The following VGLL4 variants were observed in gnomAD, a reference collection of about 807,000 sequenced individuals.
VGLL4 encodes the protein vestigial like family member 4.
VGLL4 carries 7 observed loss-of-function variants against 21.0 expected under a neutral mutation model. That is an observed-to-expected ratio of 0.33 (90% CI 0.19 to 0.63). The LOEUF (loss-of-function observed/expected upper bound fraction) is 0.63, where lower values mean the gene tolerates loss of function less well. VGLL4 is among the 20% of genes least tolerant of loss of function. The pLI is 0.78. For synonymous variants in VGLL4, 222 were observed against 173.2 expected (o/e 1.28, Z -2.21); for missense variants, 394 against 425.7 (o/e 0.93, Z 0.66).
In VGLL4 at chr3:11,673,438, G is replaced by C. The variant is rs201120731; in HGVS notation, c.64+29533C>G. 6.8e-4 allele frequency among the ~76,000 whole-genome samples: 103 copies of C among 152,050 alleles called. No homozygotes were observed. In the East Asian group the frequency reaches 0.011, roughly 17 times the overall value. On this transcript the variant is annotated intron_variant, in intron 2 of 5. Coordinates refer to the VGLL4 transcript ENST00000273038. The stretch of plus-strand genomic sequence containing the variant: ...GTCCGGAAGGGAGAAAGGGGGAAAG[G>C]GGGGGAAGTAGACTAGTCCGGGAGG...
rs1206783889 is a variant in VGLL4 at position 11,568,172 on chromosome 3, A to C, written c.273-3153T>G. Among the ~76,000 whole-genome samples, 2 of 152,234 alleles carry C rather than the reference A, an allele frequency of 1.3e-5. No homozygotes were observed. Among genetic ancestry groups the C allele is most frequent in the Non-Finnish European group, 2.9e-5 (2 of 68,040 alleles). ...ACCCCCGGGTGGCATGGAGGAGCAG[A>C]CTAAAGGTCAGGCGTCTGCCCATGT... On this transcript the variant is annotated intron_variant, in intron 2 of 4. Transcript: ENST00000430365. The surrounding 1 kb of genome is among the most constrained non-coding windows in gnomAD (Gnocchi z 5.9).
chr3:11,674,530 A>G (rs1468994134), intron 2 of VGLL4, among the ~76,000 whole-genome samples: 1 of 152,180 alleles, frequency 6.6e-6, no homozygotes, highest in Non-Finnish European at 1.5e-5. Flanking sequence ...AGAGTCAGCT[A>G]GGTTAATCTC....
At chr3:11,614,122 C>A (rs1448352063) in intron 1 of VGLL4, among the ~76,000 whole-genome samples, 3 of 152,258 alleles carry the variant, frequency 2.0e-5, no homozygotes, top group African/African-American at 7.2e-5. Context: ...ACACTCTGGA[C>A]TTACAGGCTT....
intron 2 of VGLL4, among the ~76,000 whole-genome samples, chr3:11,670,148 C>T (rs1053611845): frequency 4.6e-5 from 7 of 151,536 alleles, no homozygotes; most frequent in South Asian, 2.1e-4. Flanking sequence ...TATTCAGATG[C>T]GGATGGGCTA....
chr3:11,600,916 TC>T (rs2074778815), intron 2 of VGLL4, among the ~76,000 whole-genome samples: 1 of 152,116 alleles, frequency 6.6e-6, no homozygotes, highest in South Asian at 2.1e-4. Context: ...CCTCCAATAC[TC>T]AGTGCAACCT....
intron 2 of VGLL4, among the ~76,000 whole-genome samples, chr3:11,660,325 C>T (rs2076021002): frequency 6.6e-6 from 1 of 152,164 alleles, no homozygotes; most frequent in African/African-American, 2.4e-5. Context: ...TACAGCCTGA[C>T]CATTCTCCTT....
At chr3:11,645,896 C>T (rs959843962), upstream of VGLL4, among the ~76,000 whole-genome samples, 23 of 152,142 alleles carry the variant, frequency 1.5e-4, no homozygotes, top group Admixed American at 9.2e-4. Context: ...TGTTTGAACA[C>T]GGGAGGCAGA....
chr3:11,573,252 A>AG (rs2073857073), intron 2 of VGLL4, among the ~76,000 whole-genome samples: 1 of 35,644 alleles, frequency 2.8e-5, no homozygotes, highest in African/African-American at 7.6e-5. Context: ...ATAGAGAAAG[A>AG]AAGAAAGAAA....
intron 1 of VGLL4, among the ~76,000 whole-genome samples, chr3:11,623,620 G>A (rs970121216): frequency 2.0e-5 from 3 of 152,186 alleles, no homozygotes; most frequent in African/African-American, 7.2e-5. Flanking sequence ...CTAACTGTCT[G>A]CAGGTGACAA....
At chr3:11,695,671 C>T (rs7619252) in intron 2 of VGLL4, among the ~76,000 whole-genome samples, 8,499 of 152,132 alleles carry the variant, frequency 0.056, 278 homozygotes, top group Middle Eastern at 0.092. Context: ...ACCAGTGATT[C>T]GTGTGGGGAA....
chr3:11,668,180 A>C (rs1162966957), intron 2 of VGLL4, among the ~76,000 whole-genome samples: 1 of 151,982 alleles, frequency 6.6e-6, no homozygotes, highest in African/African-American at 2.4e-5. Flanking sequence ...AAGCCACAGG[A>C]AACAACTCAT....
At position 11,719,204 on chromosome 3, in the gene VGLL4, C is replaced by T. The variant is rs1406548854; in HGVS notation, c.-14+1190G>A. On this transcript the variant is annotated intron_variant, in intron 1 of 5. Transcript: ENST00000273038. This position sits in a 1 kb window ranked among gnomAD's most constrained non-coding sequence, Gnocchi z 4.0. The stretch of plus-strand genomic sequence containing the variant: ...GGGTGCCAGGCGCGGGCCTCCTCGC[C>T]CGCCCCGAGCCTCCGACTCCCAGGA... Among the ~76,000 whole-genome samples the T allele has an allele frequency of 6.6e-6, 1 of 152,078 alleles. No individual in the cohort carries two copies. Among genetic ancestry groups the T allele is most frequent in the Non-Finnish European group, 1.5e-5 (1 of 67,976 alleles).
intron 3 of VGLL4, 31 bp downstream of exon 3, chr3:11,564,765 TC>T: frequency 6.5e-7 from 1 of 1,527,842 alleles, no homozygotes; most frequent in Middle Eastern, 2.0e-4. Context: ...GCCCCTGGAC[TC>T]CCCACGCCAC....
intron 2 of VGLL4, among the ~76,000 whole-genome samples, chr3:11,668,909 C>T (rs1449134683): frequency 8.7e-6 from 1 of 115,538 alleles, no homozygotes; most frequent in Non-Finnish European, 1.7e-5. Context: ...TACATCCACA[C>T]ATTTTACATT....
intron 1 of VGLL4, among the ~76,000 whole-genome samples, chr3:11,642,632 A>G (rs1168935931): frequency 2.0e-5 from 3 of 152,224 alleles, no homozygotes; most frequent in Non-Finnish European, 4.4e-5. Context: ...AATCGCACGT[A>G]GAGGATGTCC....
In VGLL4 at chr3:11,556,879, G is replaced by A. The variant is rs1559843431; in HGVS notation, c.*1677C>T. On this transcript the variant is annotated 3_prime_UTR_variant, in exon 5 of 5. Transcript: ENST00000430365. Reference sequence around the variant, plus strand: ...GGGAGTGAAATGTGTGCGGGGCAAGGAGAAGGGCTTTTCTTTCCTCCACTT... The same window carrying A: ...GGGAGTGAAATGTGTGCGGGGCAAGAAGAAGGGCTTTTCTTTCCTCCACTT... 1 of 152,772 alleles carries A rather than the reference G, an allele frequency of 6.5e-6. No individual in the cohort carries two copies. Among genetic ancestry groups the A allele is most frequent in the Non-Finnish European group, 1.5e-5 (1 of 68,034 alleles). The allele number at this position is 152,772 out of a possible 1,614,324, so 9.5% of individuals were successfully genotyped here. A position where few individuals can be genotyped will look rare whatever the true frequency, so the allele number is the denominator to read the frequency against.
At chr3:11,687,520 G>A (rs1362209672) in intron 2 of VGLL4, among the ~76,000 whole-genome samples, 1 of 152,054 alleles carries the variant, frequency 6.6e-6, no homozygotes, top group African/African-American at 2.4e-5. Context: ...ATGTTACCCA[G>A]GCTGGTGTCA....
intron 1 of VGLL4, chr3:11,710,504 A>C (rs766888973): frequency 6.6e-6 from 1 of 152,216 alleles, no homozygotes; most frequent in Non-Finnish European, 1.5e-5. Flanking sequence ...TGAGCATCGG[A>C]GGAATCACAT....
At chr3:11,627,943 A>G (rs2075389688) in intron 1 of VGLL4, among the ~76,000 whole-genome samples, 1 of 152,254 alleles carries the variant, frequency 6.6e-6, no homozygotes. Flanking sequence ...GCTCTAGTGC[A>G]TAGGAGGATT....
Sources: gnomAD v4.1 joint callset for allele counts (sites outside exome capture counted in the v4.1 genomes callset) on GRCh38, gnomAD v4.1.1 for gene constraint, Gnocchi (gnomAD v3.1) non-coding constraint, MANE v1.5 for transcripts, NCBI Gene and HGNC (gene_info 2026-07-23, HGNC 2026-07-21) for gene names.